GLI3: variants seen among roughly 807,000 people sequenced by gnomAD.
GLI3 encodes transcription activator GLI3.
Under a neutral mutation model 100.8 loss-of-function variants are expected in GLI3, and 20 were observed. The ratio of observed to expected loss-of-function variants is 0.20; its 90% confidence interval spans 0.14 to 0.29. GLI3 has a LOEUF of 0.29. GLI3 is among the 10% of genes least tolerant of loss of function. GLI3 has a pLI of 1.00. For missense variants in GLI3, 2,040 were observed against 2,128.5 expected (o/e 0.96, Z 0.82); for synonymous variants, 938 against 860.5 (o/e 1.09, Z -1.58).
intron 3 of GLI3, among the ~76,000 whole-genome samples, chr7:42,093,142 G>A (rs534885392): frequency 4.3e-4 from 66 of 151,956 alleles, no homozygotes; most frequent in African/African-American, 1.5e-3. Context: ...ACAGAAGGGC[G>A]CCCAGCATGG....
At chr7:42,053,993 C>T (rs759412212) in intron 4 of GLI3, among the ~76,000 whole-genome samples, 62 of 152,134 alleles carry the variant, frequency 4.1e-4, no homozygotes, top group Non-Finnish European at 7.1e-4. Context: ...GTATGCAATG[C>T]CTCTGTGTCC....
chr7:42,236,234 C>T (rs1202405630), intron 1 of GLI3, among the ~76,000 whole-genome samples: 2 of 152,204 alleles, frequency 1.3e-5, no homozygotes, highest in African/African-American at 2.4e-5. Flanking sequence ...CCCGCTGCTA[C>T]TCAAGAAAGT....
chr7:42,006,161 G>C (rs948890562), intron 10 of GLI3, among the ~76,000 whole-genome samples: 22 of 152,172 alleles, frequency 1.4e-4, no homozygotes, highest in African/African-American at 5.1e-4. Flanking sequence ...AGGGATACCC[G>C]AGCTCGAAGG....
chr7:42,086,314 T>C (rs566667410), intron 3 of GLI3, among the ~76,000 whole-genome samples: 31 of 152,288 alleles, frequency 2.0e-4, no homozygotes, highest in South Asian at 6.2e-4. Context: ...AGTAGAGCTG[T>C]GTGTCTTTCT....
Position 41,965,986 on chromosome 7 carries a change from G to T in GLI3, c.3087C>A (p.Ser1029Arg). ...ACGTGGCCATCGCCGGGGGGTTGCA[G>T]CTGCTGAGGCTGCTGAAGCGCGGCA... The part of the protein sequence containing the change: ...PRVPRFSSLS[S>R]CNPPAMATSA... Residue 1029 changes from serine (S) to arginine (R), a missense_variant, in exon 15 of 15, where the codon AGC becomes AGA. Ser to Arg is a moderately radical substitution (Grantham distance 110). This residue lies in a region of GLI3 where 1,041 missense variants were observed against 924.0 expected (regional missense o/e 1.13). Coordinates refer to ENST00000395925, the MANE Select transcript of GLI3 (RefSeq NM_000168.6). 6.2e-7 allele frequency: 1 copy of T among 1,604,510 alleles called. No individual in the cohort carries two copies. The highest frequency in any genetic ancestry group is 1.1e-5 in the South Asian group (1 of 90,986).
At chr7:42,095,024 C>G (rs189259538) in intron 3 of GLI3, among the ~76,000 whole-genome samples, 1 of 152,196 alleles carries the variant, frequency 6.6e-6, no homozygotes, top group South Asian at 2.1e-4. Context: ...AAGCCTTGCT[C>G]AGAAAGGTGA....
chr7:42,065,610 A>G (rs1418411757), intron 4 of GLI3, among the ~76,000 whole-genome samples: 1 of 152,216 alleles, frequency 6.6e-6, no homozygotes, highest in Non-Finnish European at 1.5e-5. Context: ...GGTTATAGTA[A>G]GATACTCGAA....
chr7:42,021,338 G>A (rs1344448781), intron 10 of GLI3, among the ~76,000 whole-genome samples: 2 of 152,052 alleles, frequency 1.3e-5, no homozygotes, highest in African/African-American at 2.4e-5. Flanking sequence ...AATTAAAATA[G>A]TCCACTGTAT....
chr7:42,251,696 G>A (rs1028187066), intron 1 of GLI3, among the ~76,000 whole-genome samples: 3 of 152,214 alleles, frequency 2.0e-5, no homozygotes, highest in Non-Finnish European at 4.4e-5. Flanking sequence ...CAATTATGAC[G>A]TGGTTACTAT....
At chr7:42,219,486 G>C (rs1312437841) in intron 2 of GLI3, among the ~76,000 whole-genome samples, 1 of 151,618 alleles carries the variant, frequency 6.6e-6, no homozygotes, top group Non-Finnish European at 1.5e-5. Flanking sequence ...TTAAATTTCA[G>C]TGTTAAGTGG....
At chr7:42,185,622 G>C (rs1787702929) in intron 2 of GLI3, among the ~76,000 whole-genome samples, 1 of 152,216 alleles carries the variant, frequency 6.6e-6, no homozygotes. Flanking sequence ...GAGCTGCCCA[G>C]ATGTGCTACA....
chr7:42,094,483 C>T (rs180825380), intron 3 of GLI3, among the ~76,000 whole-genome samples: 2 of 152,012 alleles, frequency 1.3e-5, no homozygotes, highest in South Asian at 4.2e-4. Flanking sequence ...CGCCTGTAAT[C>T]CCAGCACTTT....
At chr7:42,235,045 G>A (rs914349734) in intron 1 of GLI3, among the ~76,000 whole-genome samples, 2 of 152,166 alleles carry the variant, frequency 1.3e-5, no homozygotes, top group African/African-American at 4.8e-5. Flanking sequence ...AGTCCCGGCA[G>A]CTTTAATATA....
chr7:42,214,976 A>G (rs1788346391), intron 2 of GLI3, among the ~76,000 whole-genome samples: 1 of 152,194 alleles, frequency 6.6e-6, no homozygotes, highest in Non-Finnish European at 1.5e-5. Context: ...ATATTTAAAT[A>G]GAAGAAAGAA....
intron 1 of GLI3, 24 bp from the exon 2 acceptor site, chr7:42,223,319 A>C: frequency 2.8e-6 from 4 of 1,412,782 alleles, no homozygotes; most frequent in Non-Finnish European, 3.0e-6. Flanking sequence ...CAGAGCCATC[A>C]ACTTTCCAAA....
In GLI3 at chr7:42,025,390, T is replaced by A. The variant is rs1789082591; in HGVS notation, c.1243-13A>T. 6.3e-7 allele frequency: 1 copy of A among 1,577,126 alleles called. No individual in the cohort carries two copies. The highest frequency in any genetic ancestry group is 8.7e-7 in the Non-Finnish European group (1 of 1,146,390). ...TCGTGGGCTTGTTCTGCTGGTCACA[T>A]TTGCAGAGCCAGAGACAAAAAGATT... On this transcript the variant is annotated splice_polypyrimidine_tract_variant and intron_variant, in intron 8 of 14. Coordinates refer to ENST00000395925, the MANE Select transcript of GLI3 (RefSeq NM_000168.6).
intron 7 of GLI3, among the ~76,000 whole-genome samples, chr7:42,036,176 CT>C (rs1307758519): frequency 6.6e-6 from 1 of 152,080 alleles, no homozygotes; most frequent in Non-Finnish European, 1.5e-5. Context: ...TAGACATTTG[CT>C]TTTTTAATCC....
At chr7:41,989,432 G>A (rs1376033042) in intron 10 of GLI3, among the ~76,000 whole-genome samples, 1 of 152,150 alleles carries the variant, frequency 6.6e-6, no homozygotes, top group Non-Finnish European at 1.5e-5. Flanking sequence ...GCTCCTAGAT[G>A]AGGAAAATAG....
intron 3 of GLI3, among the ~76,000 whole-genome samples, chr7:42,114,655 G>A (rs561214798): frequency 3.9e-5 from 6 of 152,280 alleles, no homozygotes; most frequent in African/African-American, 1.4e-4. Flanking sequence ...GAAATCTAGT[G>A]GTGTAGGTAT....
Sources: gnomAD v4.1 joint callset for allele counts (sites outside exome capture counted in the v4.1 genomes callset) on GRCh38, gnomAD v4.1.1 for gene constraint, gnomAD v4.1.1 regional missense constraint, MANE v1.5 for transcripts, NCBI Gene and HGNC (gene_info 2026-07-23, HGNC 2026-07-21) for gene names.